Variants in TMEM232 observed in about 807,000 individuals in gnomAD.
TMEM232 encodes transmembrane protein 232.
A neutral mutation model predicts 78.8 loss-of-function variants in TMEM232; 80 were observed. The observed-to-expected ratio is 1.01, with a 90% CI of 0.85 to 1.22. The LOEUF is 1.22. TMEM232 is among the 50% of genes most tolerant of loss of function. The pLI, the probability that TMEM232 is intolerant of heterozygous loss-of-function variation, is 0.00. For synonymous variants in TMEM232, 297 were observed against 254.3 expected (o/e 1.17, Z -1.60); for missense variants, 881 against 742.2 (o/e 1.19, Z -2.17).
intron 12 of TMEM232, among the ~76,000 whole-genome samples, chr5:110,470,814 G>A (rs111858288): frequency 6.6e-6 from 1 of 152,164 alleles, no homozygotes; most frequent in Non-Finnish European, 1.5e-5. Context: ...TCAACACAGA[G>A]ACACAAAAAA....
chr5:110,396,465 T>A (rs1580548254), intron 3 of TMEM232, among the ~76,000 whole-genome samples: 1 of 152,218 alleles, frequency 6.6e-6, no homozygotes, highest in African/African-American at 2.4e-5. Context: ...ATCCTAACTG[T>A]AAACTGTATA....
intron 11 of TMEM232, among the ~76,000 whole-genome samples, chr5:110,529,681 A>T (rs1415397102): frequency 6.6e-6 from 1 of 152,186 alleles, no homozygotes; most frequent in Non-Finnish European, 1.5e-5. Flanking sequence ...ATGTAAAAAA[A>T]ATACCAAAAT....
chr5:110,422,112 GTTGT>G (rs1361375201), intron 13 of TMEM232, among the ~76,000 whole-genome samples: 1 of 152,056 alleles, frequency 6.6e-6, no homozygotes, highest in Admixed American at 6.6e-5. Context: ...TAATAATCTA[GTTGT>G]TTAAGAAAAT....
intron 12 of TMEM232, among the ~76,000 whole-genome samples, chr5:110,425,859 T>A (rs1275806323): frequency 6.6e-6 from 1 of 152,108 alleles, no homozygotes; most frequent in East Asian, 1.9e-4. Flanking sequence ...ACAAAGTAGA[T>A]CATGTCAATC....
Position 110,455,414 on chromosome 5 carries a change from G to A in TMEM232, c.1704-30498C>T, listed in dbSNP as rs141125241. On this transcript the variant is annotated intron_variant, in intron 12 of 13. Transcript: ENST00000455884. ...TTTTTTTGAGATGGAGTCTTGCTGTGTTGCCCAGGCTGGAGTGCAGTGGCG... is the reference window on the plus strand; with the variant it reads ...TTTTTTTGAGATGGAGTCTTGCTGTATTGCCCAGGCTGGAGTGCAGTGGCG... Among the ~76,000 whole-genome samples, 999 of 149,768 alleles carry A rather than the reference G, an allele frequency of 6.7e-3. 18 individuals are homozygous for A. Among genetic ancestry groups the A allele is most frequent in the African/African-American group, 0.023 (918 of 40,558 alleles).
chr5:110,589,500 T>C (rs78066663), intron 10 of TMEM232, among the ~76,000 whole-genome samples: 1,819 of 152,300 alleles, frequency 0.012, 33 homozygotes, highest in African/African-American at 0.041. Context: ...TTTCATTGAA[T>C]GGACCATCTA....
intron 2 of TMEM232, among the ~76,000 whole-genome samples, chr5:110,664,827 C>T (rs1790337394): frequency 6.6e-6 from 1 of 152,192 alleles, no homozygotes; most frequent in Non-Finnish European, 1.5e-5. Flanking sequence ...AACGTGACCT[C>T]ATCTATGCCC....
At chr5:110,509,726 C>T (rs1767488439) in intron 12 of TMEM232, among the ~76,000 whole-genome samples, 2 of 151,932 alleles carry the variant, frequency 1.3e-5, no homozygotes, top group South Asian at 2.1e-4. Flanking sequence ...TTAGAAATAT[C>T]GTACACACAT....
At chr5:110,560,269 C>T (rs1775589439) in intron 11 of TMEM232, among the ~76,000 whole-genome samples, 1 of 152,054 alleles carries the variant, frequency 6.6e-6, no homozygotes, top group Admixed American at 6.6e-5. Context: ...CTAGATTGGA[C>T]CATATAAATT....
intron 8 of TMEM232, among the ~76,000 whole-genome samples, chr5:110,617,587 T>C (rs1783100275): frequency 6.6e-6 from 1 of 152,164 alleles, no homozygotes; most frequent in Admixed American, 6.6e-5. Flanking sequence ...ACTGAACTCA[T>C]GCTGAAACTA....
intron 10 of TMEM232, among the ~76,000 whole-genome samples, chr5:110,586,364 T>C (rs1471739826): frequency 6.6e-6 from 1 of 152,154 alleles, no homozygotes; most frequent in African/African-American, 2.4e-5. Flanking sequence ...ATAAAGGTAC[T>C]GTGCTCTATT....
At chr5:110,466,559 C>T (rs1762095900) in intron 12 of TMEM232, among the ~76,000 whole-genome samples, 1 of 151,780 alleles carries the variant, frequency 6.6e-6, no homozygotes, top group African/African-American at 2.4e-5. Context: ...ATAATCTGTC[C>T]CCATATCCAT....
At chr5:110,574,132 T>A (rs1216572187) in intron 10 of TMEM232, among the ~76,000 whole-genome samples, 2 of 152,072 alleles carry the variant, frequency 1.3e-5, no homozygotes, top group African/African-American at 4.8e-5. Context: ...ACATTTTCCC[T>A]GGATACAATT....
At chr5:110,513,100 G>T (rs906936655) in intron 12 of TMEM232, among the ~76,000 whole-genome samples, 2 of 152,144 alleles carry the variant, frequency 1.3e-5, no homozygotes, top group Admixed American at 6.5e-5. Flanking sequence ...CCAATGGAAA[G>T]ACAGGAAAGG....
intron 1 of TMEM232, among the ~76,000 whole-genome samples, chr5:110,721,118 C>G (rs567409035): frequency 6.6e-6 from 1 of 151,976 alleles, no homozygotes; most frequent in Non-Finnish European, 1.5e-5. Context: ...AGTTATAAGA[C>G]AATTTTTCTA....
intron 3 of TMEM232, among the ~76,000 whole-genome samples, chr5:110,391,326 T>TGTGTGAGAGAGAGAGAGAGAGAGA (rs549361387): frequency 2.3e-4 from 32 of 139,864 alleles, no homozygotes; most frequent in South Asian, 6.8e-4. Flanking sequence ...TGTGTGTGTG[T>TGTGTGAGAGAGAGAGAGAGAGAGA]GAGAGAGAGA....
intron 9 of TMEM232, among the ~76,000 whole-genome samples, 164 bp from the exon 10 acceptor site, chr5:110,605,522 TC>T (rs1170124217): frequency 6.6e-6 from 1 of 152,092 alleles, no homozygotes; most frequent in Admixed American, 6.6e-5. Context: ...AAAATACAGT[TC>T]AAAGAATAAA....
chr5:110,640,432 A>AT (rs1210310066), intron 4 of TMEM232, among the ~76,000 whole-genome samples: 3 of 152,096 alleles, frequency 2.0e-5, no homozygotes, highest in Non-Finnish European at 2.9e-5. Context: ...TAGTTAGAGG[A>AT]TGTTTTAAAG....
intron 1 of TMEM232, among the ~76,000 whole-genome samples, chr5:110,737,457 G>A (rs758241014): frequency 2.0e-5 from 3 of 152,098 alleles, no homozygotes; most frequent in Admixed American, 6.5e-5. Context: ...GATACATAGT[G>A]CCAAACTGCT....
Sources: gnomAD v4.1 joint callset for allele counts (sites outside exome capture counted in the v4.1 genomes callset) on GRCh38, gnomAD v4.1.1 for gene constraint, MANE v1.5 for transcripts, NCBI Gene and HGNC (gene_info 2026-07-23, HGNC 2026-07-21) for gene names.